The following LUZP2 variants were observed in gnomAD, a reference collection of about 807,000 sequenced individuals.
LUZP2 encodes leucine zipper protein 2.
Under a neutral mutation model 51.6 loss-of-function variants are expected in LUZP2, and 52 were observed. The observed-to-expected ratio is 1.01, with a 90% confidence interval of 0.81 to 1.27. The LOEUF (loss-of-function observed/expected upper bound fraction) is 1.27. LUZP2 is among the 50% of genes most tolerant of loss of function. The pLI, the probability that LUZP2 is intolerant of heterozygous loss-of-function variation, is 0.00. For synonymous variants in LUZP2, 154 were observed against 137.3 expected (o/e 1.12, Z -0.85); for missense variants, 436 against 395.4 (o/e 1.10, Z -0.87).
At chr11:25,041,265 T>G (rs1279637852) in intron 9 of LUZP2, among the ~76,000 whole-genome samples, 1 of 152,106 alleles carries the variant, frequency 6.6e-6, no homozygotes, top group Non-Finnish European at 1.5e-5. Flanking sequence ...ACTTATAAAT[T>G]AGGCACAGTA....
At chr11:24,701,448 C>G (rs1857419332) in intron 1 of LUZP2, 1 of 166,684 alleles carries the variant, frequency 6.0e-6, no homozygotes, top group Non-Finnish European at 1.5e-5. Context: ...AGGGGAAGAG[C>G]AAAGGGAAAA....
At chr11:24,724,853 C>T (rs923644131) in intron 1 of LUZP2, among the ~76,000 whole-genome samples, 10 of 152,196 alleles carry the variant, frequency 6.6e-5, no homozygotes, top group African/African-American at 2.2e-4. Flanking sequence ...CAGACAGTAA[C>T]TTTAAAGATG....
chr11:24,796,758 C>T (rs1036904509), intron 5 of LUZP2, among the ~76,000 whole-genome samples: 1 of 152,030 alleles, frequency 6.6e-6, no homozygotes, highest in African/African-American at 2.4e-5. Flanking sequence ...TCACACTTGA[C>T]ATGATTTAGA....
intron 5 of LUZP2, among the ~76,000 whole-genome samples, chr11:24,764,490 T>TAAAAAA (rs869045272): frequency 1.0e-3 from 97 of 94,028 alleles, no homozygotes; most frequent in Admixed American, 4.3e-3. Context: ...ATCTCATCTC[T>TAAAAAA]AAAAAAAAAA....
intron 1 of LUZP2, among the ~76,000 whole-genome samples, chr11:24,679,093 T>A (rs1285846944): frequency 6.6e-6 from 1 of 152,170 alleles, no homozygotes; most frequent in Non-Finnish European, 1.5e-5. Context: ...TTTCACTGGG[T>A]CATAAAGTAA....
chr11:24,898,246 T>TAA (rs35478837), intron 5 of LUZP2, among the ~76,000 whole-genome samples: 189 of 149,684 alleles, frequency 1.3e-3, no homozygotes, highest in African/African-American at 4.0e-3. Flanking sequence ...GTGACAATTA[T>TAA]AAAAAAAAAA....
intron 1 of LUZP2, among the ~76,000 whole-genome samples, chr11:24,638,752 G>T (rs992807814): frequency 6.6e-6 from 1 of 151,402 alleles, no homozygotes; most frequent in Non-Finnish European, 1.5e-5. Context: ...GGAACTGATT[G>T]TTTAAAAAAT....
intron 5 of LUZP2, among the ~76,000 whole-genome samples, chr11:24,868,073 A>G (rs554355062): frequency 5.3e-5 from 8 of 152,222 alleles, no homozygotes; most frequent in African/African-American, 1.9e-4. Flanking sequence ...AGCATTTCTT[A>G]TTGTACCCTT....
chr11:24,642,619 A>T (rs1855328332), intron 1 of LUZP2, among the ~76,000 whole-genome samples: 1 of 151,832 alleles, frequency 6.6e-6, no homozygotes, highest in Admixed American at 6.5e-5. Context: ...TTTGGTTGAC[A>T]CAGTGGGGAG....
chr11:24,989,460 T>A (rs1052924966), intron 9 of LUZP2, among the ~76,000 whole-genome samples: 1 of 152,076 alleles, frequency 6.6e-6, no homozygotes, highest in Non-Finnish European at 1.5e-5. Flanking sequence ...TTTTGTTTAA[T>A]AGCTAAAGAA....
At chr11:25,057,176 C>T (rs543502150) in intron 10 of LUZP2, among the ~76,000 whole-genome samples, 1 of 152,182 alleles carries the variant, frequency 6.6e-6, no homozygotes, top group Admixed American at 6.5e-5. Flanking sequence ...CTTATTAGCT[C>T]CTTTTAAGAA....
intron 4 of LUZP2, among the ~76,000 whole-genome samples, chr11:24,755,336 G>C (rs1382145348): frequency 6.6e-6 from 1 of 152,050 alleles, no homozygotes; most frequent in Admixed American, 6.6e-5. Context: ...CCACCTTTTT[G>C]GTGACCAAAG....
chr11:24,594,768 T>C lies in LUZP2; in HGVS notation c.62+97463T>C, dbSNP rs1324127465. Among the ~76,000 whole-genome samples the C allele has an allele frequency of 2.8e-5, 4 of 141,044 alleles. No individual in the cohort carries two copies. The East Asian group carries it at 8.1e-4, about 29-fold the overall frequency. The allele number at this position is 141,044 out of a possible 152,430, so 92.5% of individuals were successfully genotyped here. On this transcript the variant is annotated intron_variant, in intron 1 of 11. Coordinates refer to ENST00000336930, the MANE Select transcript of LUZP2 (RefSeq NM_001009909.4). ...TGGGACACTTTTTTTTTTTTTTTTT[T>C]TTTTTTTTTGAGGTGGAGTCTTGCT...
In LUZP2 at chr11:24,730,248, G is replaced by T. The variant is rs149904654; in HGVS notation, c.180+962G>T. On this transcript the variant is annotated intron_variant, in intron 2 of 11. Coordinates refer to ENST00000336930, the MANE Select transcript of LUZP2 (RefSeq NM_001009909.4). ...AATTTGTATTTAATTTTCACATGAA[G>T]ACTGTTAGTCACATTTCATAGGTGA... 1.5e-3 allele frequency among the ~76,000 whole-genome samples: 225 copies of T among 151,808 alleles called. 3 individuals carry two copies. Among genetic ancestry groups the T allele is most frequent in the Non-Finnish European group, 2.5e-3 (170 of 67,782 alleles).
intron 5 of LUZP2, among the ~76,000 whole-genome samples, chr11:24,843,858 T>A (rs1290834535): frequency 6.6e-6 from 1 of 152,210 alleles, no homozygotes; most frequent in Non-Finnish European, 1.5e-5. Context: ...TGTCTCTCTC[T>A]TTGCCTGCCA....
At chr11:24,997,138 A>G (rs542744188) in intron 9 of LUZP2, among the ~76,000 whole-genome samples, 12 of 150,454 alleles carry the variant, frequency 8.0e-5, no homozygotes, top group Admixed American at 2.7e-4. Context: ...ATACCCAGTA[A>G]TGGGATGGCT....
At chr11:24,996,632 ATT>A (rs1309618496) in intron 9 of LUZP2, among the ~76,000 whole-genome samples, 14 of 98,636 alleles carry the variant, frequency 1.4e-4, no homozygotes, top group African/African-American at 4.1e-4. Context: ...ATTTTATTTT[ATT>A]ATACTTTAAG....
At chr11:24,677,482 A>G (rs1856597396) in intron 1 of LUZP2, among the ~76,000 whole-genome samples, 1 of 152,172 alleles carries the variant, frequency 6.6e-6, no homozygotes, top group Admixed American at 6.5e-5. Flanking sequence ...AGAGCTTTTC[A>G]CATATTCTTC....
At chr11:24,876,946 AG>A (rs1270934130) in intron 5 of LUZP2, among the ~76,000 whole-genome samples, 1 of 152,200 alleles carries the variant, frequency 6.6e-6, no homozygotes, top group Non-Finnish European at 1.5e-5. Context: ...AACACCTTCA[AG>A]TAACAGAGTC....
Sources: gnomAD v4.1 joint callset for allele counts (sites outside exome capture counted in the v4.1 genomes callset) on GRCh38, gnomAD v4.1.1 for gene constraint, MANE v1.5 for transcripts, NCBI Gene and HGNC (gene_info 2026-07-23, HGNC 2026-07-21) for gene names.